GRK3: variants seen among roughly 807,000 people sequenced by gnomAD.
GRK3 encodes the protein G protein-coupled receptor kinase 3.
In GRK3, 54 loss-of-function variants were observed where a neutral mutation model predicts 95.7. The ratio of observed to expected loss-of-function variants is 0.56; its 90% CI spans 0.45 to 0.71. The LOEUF (loss-of-function observed/expected upper bound fraction) is 0.71, where lower values mean the gene tolerates loss of function less well. Among genes scored for constraint, GRK3 ranks in the 30% least tolerant of loss-of-function variants. The pLI is 0.00. For missense variants in GRK3, 649 were observed against 851.2 expected (o/e 0.76, Z 2.96); for synonymous variants, 281 against 290.8 (o/e 0.97, Z 0.34).
Position 25,565,077 on chromosome 22 carries a change from T to TA in GRK3, c.38dup (p.Tyr13Ter). Residue 13 changes from tyrosine (Y) to a stop codon, truncating the protein, a stop_gained and frameshift_variant, in exon 1 of 21, where the codon TAC becomes TAAC. Coordinates refer to ENST00000324198, the MANE Select transcript of GRK3 (RefSeq NM_005160.4). LOFTEE classifies it high-confidence loss of function. ...DLEAVLADVSYLMAMEKSKAT... is the reference protein window; with the variant it reads ...DLEAVLADVS ...GGAGGCTGTGCTGGCCGATGTCAGT[T>TA]ACCTGATGGCCATGGAGAAGAGCAA... The TA allele has an allele frequency of 6.5e-7, 1 of 1,536,926 alleles. No individual in the cohort carries two copies.
chr22:25,690,763 C>CT (rs991781305), intron 12 of GRK3, among the ~76,000 whole-genome samples: 14 of 149,198 alleles, frequency 9.4e-5, no homozygotes, highest in Admixed American at 2.7e-4. Flanking sequence ...GGCTTTTCTT[C>CT]TTTTTTTTTT....
At chr22:25,697,563 G>T in intron 13 of GRK3, among the ~76,000 whole-genome samples, 1 of 152,206 alleles carries the variant, frequency 6.6e-6, no homozygotes, top group East Asian at 1.9e-4. Context: ...GATGGCCTCC[G>T]TGGGAAGACT....
At chr22:25,615,626 A>G (rs1420365329) in intron 2 of GRK3, among the ~76,000 whole-genome samples, 2 of 147,672 alleles carry the variant, frequency 1.4e-5, no homozygotes, top group African/African-American at 2.5e-5. Flanking sequence ...ACTATGTGCC[A>G]TACCTTTCTC....
chr22:25,574,738 C>T (rs1601444487), intron 1 of GRK3, among the ~76,000 whole-genome samples: 1 of 152,238 alleles, frequency 6.6e-6, no homozygotes. Flanking sequence ...TTAACCTGGT[C>T]CTACCTTTTT....
At chr22:25,600,712 G>A (rs1320160389) in intron 1 of GRK3, among the ~76,000 whole-genome samples, 9 of 152,086 alleles carry the variant, frequency 5.9e-5, no homozygotes, top group Non-Finnish European at 1.2e-4. Flanking sequence ...GATCCGAGGC[G>A]GGTCCTAGAT....
At chr22:25,703,396 T>C in intron 13 of GRK3, 114 bp from the exon 14 acceptor site, 1 of 721,948 alleles carries the variant, frequency 1.4e-6, no homozygotes, top group Non-Finnish European at 2.3e-6. Flanking sequence ...TTTGCATTTC[T>C]CCAGTTTTGA....
intron 15 of GRK3, among the ~76,000 whole-genome samples, chr22:25,707,048 C>T (rs2085305481): frequency 6.6e-6 from 1 of 151,908 alleles, no homozygotes; most frequent in South Asian, 2.1e-4. Flanking sequence ...TCTTGAACTC[C>T]TGGCCTCAAG....
intron 2 of GRK3, among the ~76,000 whole-genome samples, chr22:25,624,364 C>A (rs571560115): frequency 1.3e-5 from 2 of 152,116 alleles, no homozygotes; most frequent in South Asian, 4.2e-4. Context: ...GAGATCGAGA[C>A]CATCCTGGCT....
intron 13 of GRK3, among the ~76,000 whole-genome samples, chr22:25,696,849 G>T (rs2085213058): frequency 6.6e-6 from 1 of 152,198 alleles, no homozygotes; most frequent in Admixed American, 6.5e-5. Context: ...TTCCTTAATT[G>T]AATTATTGTA....
chr22:25,692,590 G>A (rs1404615504), intron 12 of GRK3, among the ~76,000 whole-genome samples: 3 of 152,182 alleles, frequency 2.0e-5, no homozygotes, highest in Admixed American at 6.5e-5. Flanking sequence ...GAGTAGTGGC[G>A]GTACCAGCAG....
intron 15 of GRK3, among the ~76,000 whole-genome samples, chr22:25,709,305 G>C (rs1021755460): frequency 6.6e-6 from 1 of 151,904 alleles, no homozygotes; most frequent in African/African-American, 2.4e-5. Flanking sequence ...CCAAAGTGCT[G>C]GGATTACAGG....
At chr22:25,601,098 GA>G (rs2084406573) in intron 1 of GRK3, among the ~76,000 whole-genome samples, 1 of 152,114 alleles carries the variant, frequency 6.6e-6, no homozygotes, top group South Asian at 2.1e-4. Context: ...GTAATTTATA[GA>G]AAAAGTAGAC....
intron 1 of GRK3, among the ~76,000 whole-genome samples, chr22:25,570,741 T>C (rs532993803): frequency 4.5e-4 from 68 of 152,316 alleles, no homozygotes; most frequent in African/African-American, 1.6e-3. Context: ...TTCTCCTGTG[T>C]CTTACTTTTT....
chr22:25,570,373 T>C (rs1051426705), intron 1 of GRK3, among the ~76,000 whole-genome samples: 3 of 152,234 alleles, frequency 2.0e-5, no homozygotes, highest in Admixed American at 6.5e-5. Context: ...CCACCTAAGC[T>C]GCCCTGTCTC....
chr22:25,595,889 G>C (rs549188601), intron 1 of GRK3, among the ~76,000 whole-genome samples: 23 of 152,318 alleles, frequency 1.5e-4, no homozygotes, highest in Non-Finnish European at 2.8e-4. Flanking sequence ...TGAGGCCGCA[G>C]TGAGCTATGA....
chr22:25,567,933 C>T (rs1377439016), intron 1 of GRK3, among the ~76,000 whole-genome samples: 1 of 152,190 alleles, frequency 6.6e-6, no homozygotes, highest in Non-Finnish European at 1.5e-5. Flanking sequence ...TTTTGCTTCC[C>T]TGAGATGGCA....
intron 9 of GRK3, among the ~76,000 whole-genome samples, chr22:25,683,771 G>A (rs896035312): frequency 1.3e-4 from 20 of 151,984 alleles, no homozygotes; most frequent in Admixed American, 9.8e-4. Flanking sequence ...ATAGATATGA[G>A]TCCTTTGTGT....
At chr22:25,582,298 G>A (rs1398010141) in intron 1 of GRK3, among the ~76,000 whole-genome samples, 2 of 151,934 alleles carry the variant, frequency 1.3e-5, no homozygotes, top group Non-Finnish European at 2.9e-5. Context: ...AAAAAAGAGT[G>A]TGTTGCTCTA....
At chr22:25,659,306 G>A (rs887730564) in intron 3 of GRK3, among the ~76,000 whole-genome samples, 2 of 152,184 alleles carry the variant, frequency 1.3e-5, no homozygotes, top group African/African-American at 4.8e-5. Flanking sequence ...AAAAGAGAGA[G>A]CCTTGGATTG....
Sources: allele counts gnomAD v4.1 joint callset (sites outside exome capture counted in the v4.1 genomes callset), GRCh38; gene constraint gnomAD v4.1.1; transcripts MANE v1.5; gene names NCBI Gene and HGNC (gene_info 2026-07-23, HGNC 2026-07-21).